Variants in FRMD3 observed in about 807,000 individuals in gnomAD.
FRMD3 encodes FERM domain containing 3.
Under a neutral mutation model 70.2 loss-of-function variants are expected in FRMD3, and 33 were observed. The observed-to-expected ratio is 0.47, with a 90% confidence interval of 0.36 to 0.63. FRMD3 has a LOEUF of 0.63. Among genes scored for constraint, FRMD3 ranks in the 20% least tolerant of loss-of-function variants. The probability of loss-of-function intolerance (pLI) is 0.00; values close to 1 mark genes in which losing one functional copy is unlikely to be tolerated. For missense variants in FRMD3, 632 were observed against 711.4 expected (o/e 0.89, Z 1.27); for synonymous variants, 279 against 255.9 (o/e 1.09, Z -0.86).
chr9:83,389,732 C>T, intron 1 of FRMD3, 24 bp from the exon 2 acceptor site: 1 of 1,547,546 alleles, frequency 6.5e-7, no homozygotes, highest in South Asian at 1.1e-5. Context: ...ACATTTAAGT[C>T]TCAGCCAGAG....
At chr9:83,389,948 A>G (rs1825620864) in intron 1 of FRMD3, among the ~76,000 whole-genome samples, 1 of 152,204 alleles carries the variant, frequency 6.6e-6, no homozygotes, top group African/African-American at 2.4e-5. Context: ...AAGGACCCCA[A>G]AAAGAGCAGT....
chr9:83,425,628 G>A (rs1312544847), intron 1 of FRMD3, among the ~76,000 whole-genome samples: 1 of 152,032 alleles, frequency 6.6e-6, no homozygotes, highest in Non-Finnish European at 1.5e-5. Context: ...CCTATGGGCC[G>A]GGCGCAGTGG....
At chr9:83,468,751 G>T (rs1378112053) in intron 1 of FRMD3, among the ~76,000 whole-genome samples, 1 of 152,210 alleles carries the variant, frequency 6.6e-6, no homozygotes, top group Admixed American at 6.5e-5. Flanking sequence ...CAGAAAGGAA[G>T]AATACAGCAA....
At position 83,533,414 on chromosome 9, in the gene FRMD3, A is replaced by G. The variant is rs369201456; in HGVS notation, c.147+4671T>C. ...AATTTATCCAGTCAATAATAAAACCACAGACTTTTTAAACTGTAGCATCCA... is the reference window on the plus strand; with the variant it reads ...AATTTATCCAGTCAATAATAAAACCGCAGACTTTTTAAACTGTAGCATCCA... On this transcript the variant is annotated intron_variant, in intron 1 of 13. Coordinates refer to ENST00000304195, the MANE Select transcript of FRMD3 (RefSeq NM_174938.6). Among the ~76,000 whole-genome samples, 6 of 152,232 alleles carry G rather than the reference A, an allele frequency of 3.9e-5. No homozygotes were observed. In the East Asian group the frequency reaches 1.2e-3, roughly 29 times the overall value.
chr9:83,368,973 G>C (rs1824880479), intron 3 of FRMD3, among the ~76,000 whole-genome samples: 1 of 152,024 alleles, frequency 6.6e-6, no homozygotes, highest in Non-Finnish European at 1.5e-5. Flanking sequence ...TCCTGCCTCA[G>C]CCTCCCGAGG....
At chr9:83,312,171 T>C (rs1347395803) in intron 7 of FRMD3, among the ~76,000 whole-genome samples, 196 bp from the exon 8 acceptor site, 1 of 152,190 alleles carries the variant, frequency 6.6e-6, no homozygotes, top group East Asian at 1.9e-4. Context: ...TTCAGGAATA[T>C]GTAGCTTTTC....
intron 1 of FRMD3, among the ~76,000 whole-genome samples, chr9:83,423,635 C>T (rs1241330894): frequency 1.9e-5 from 2 of 107,900 alleles, no homozygotes; most frequent in Admixed American, 2.9e-4. Flanking sequence ...TCGCTTGCAT[C>T]GCTCAGGCTG....
chr9:83,362,047 C>A (rs1052929981), intron 3 of FRMD3, among the ~76,000 whole-genome samples: 5 of 152,074 alleles, frequency 3.3e-5, no homozygotes, highest in Non-Finnish European at 7.4e-5. Context: ...TATGGATGCC[C>A]AGAGAAACTA....
At chr9:83,378,268 T>G (rs964053707) in intron 2 of FRMD3, among the ~76,000 whole-genome samples, 5 of 142,532 alleles carry the variant, frequency 3.5e-5, no homozygotes, top group African/African-American at 1.1e-4. Flanking sequence ...TTTGTTTTTT[T>G]TGTTTTTTTT....
At chr9:83,423,585 C>CTTTTTTTTTT (rs869226126) in intron 1 of FRMD3, among the ~76,000 whole-genome samples, 761 of 60,488 alleles carry the variant, frequency 0.013, 111 homozygotes, top group Middle Eastern at 0.022. Context: ...AGCCCTGTTT[C>CTTTTTTTTTT]TTTTTTTTTT....
At chr9:83,448,376 G>A (rs1490240645) in intron 1 of FRMD3, among the ~76,000 whole-genome samples, 1 of 152,112 alleles carries the variant, frequency 6.6e-6, no homozygotes, top group Admixed American at 6.5e-5. Context: ...GCATCATACA[G>A]CTATGATTCC....
rs1258676362 is a variant in FRMD3 at position 83,479,289 on chromosome 9, G to GAAT, written c.147+58795_147+58796insATT. On this transcript the variant is annotated intron_variant, in intron 1 of 13. Transcript: ENST00000304195. Reference sequence around the variant, plus strand: ...ACAAAGTGAGACTGTGTCTCTAAAAGAAGAAGAAGAAGAAGGAGAAGGAGA... The same window carrying GAAT: ...ACAAAGTGAGACTGTGTCTCTAAAAGAATAAGAAGAAGAAGAAGGAGAAGGAGA... 5.7e-4 allele frequency among the ~76,000 whole-genome samples: 83 copies of GAAT among 145,028 alleles called. 1 individual carries two copies. The highest frequency in any genetic ancestry group is 2.1e-3 in the African/African-American group (82 of 38,410).
chr9:83,404,938 G>C (rs558053716), intron 1 of FRMD3, among the ~76,000 whole-genome samples: 60 of 152,308 alleles, frequency 3.9e-4, no homozygotes, highest in African/African-American at 1.4e-3. Context: ...AAGGGACACA[G>C]CCTATATTCC....
At chr9:83,258,267 C>T (rs978741980) in intron 13 of FRMD3, among the ~76,000 whole-genome samples, 6 of 152,176 alleles carry the variant, frequency 3.9e-5, no homozygotes, top group African/African-American at 1.4e-4. Context: ...ATATAGAGAC[C>T]TTTTCAGTGC....
chr9:83,310,602 T>C (rs1204719251), intron 8 of FRMD3, 54 bp from the exon 9 acceptor site: 3 of 1,405,000 alleles, frequency 2.1e-6, no homozygotes, highest in Non-Finnish European at 2.0e-6. Context: ...CTAACCAAGG[T>C]ACCTGGGTTT....
At chr9:83,442,483 C>G (rs1239852804) in intron 1 of FRMD3, among the ~76,000 whole-genome samples, 1 of 151,986 alleles carries the variant, frequency 6.6e-6, no homozygotes, top group Non-Finnish European at 1.5e-5. Flanking sequence ...GTCTCCAACT[C>G]CTGACCTCAA....
intron 1 of FRMD3, among the ~76,000 whole-genome samples, chr9:83,460,856 C>A (rs573808026): frequency 3.3e-5 from 5 of 151,990 alleles, no homozygotes; most frequent in Admixed American, 3.3e-4. Flanking sequence ...TAATTTAAAT[C>A]TATTTATTAT....
chr9:83,512,821 C>G (rs1330666886), intron 1 of FRMD3, among the ~76,000 whole-genome samples: 1 of 152,194 alleles, frequency 6.6e-6, no homozygotes, highest in East Asian at 1.9e-4. Context: ...ATCACTGAGA[C>G]AGTGGAATTT....
intron 13 of FRMD3, among the ~76,000 whole-genome samples, chr9:83,273,079 C>T (rs200557406): frequency 1.3e-5 from 2 of 151,656 alleles, no homozygotes; most frequent in Admixed American, 6.6e-5. Context: ...CCGGCCACCC[C>T]TTCTGGGAAG....
Sources: allele counts gnomAD v4.1 joint callset (sites outside exome capture counted in the v4.1 genomes callset), GRCh38; gene constraint gnomAD v4.1.1; transcripts MANE v1.5; gene names NCBI Gene and HGNC (gene_info 2026-07-23, HGNC 2026-07-21).